Variants in CENPP observed in about 807,000 individuals in gnomAD.
CENPP encodes centromere protein P.
CENPP carries 24 observed loss-of-function variants against 35.6 expected under a neutral mutation model. The observed-to-expected ratio is 0.67, with a 90% CI of 0.49 to 0.95. The LOEUF is 0.95. CENPP is among the 40% of genes least tolerant of loss of function. The pLI, the probability that CENPP is intolerant of heterozygous loss-of-function variation, is 0.00. For synonymous variants in CENPP, 120 were observed against 125.5 expected, an observed-to-expected ratio of 0.96 and a Z score of 0.29; for missense variants, 332 against 345.3, an observed-to-expected ratio of 0.96 and a Z score of 0.31.
intron 5 of CENPP, among the ~76,000 whole-genome samples, chr9:92,545,598 G>A (rs890175010): frequency 2.6e-5 from 4 of 152,212 alleles, no homozygotes; most frequent in African/African-American, 9.6e-5. Context: ...ACCGCGTCCA[G>A]TCCCACTGAC....
intron 5 of CENPP, chr9:92,500,965 C>G: frequency 6.2e-6 from 10 of 1,614,142 alleles, no homozygotes; most frequent in Non-Finnish European, 6.8e-6. Flanking sequence ...ATCTGGTTCC[C>G]AAGGAGTACT....
At chr9:92,564,036 T>G (rs1470198582) in intron 5 of CENPP, among the ~76,000 whole-genome samples, 1 of 152,138 alleles carries the variant, frequency 6.6e-6, no homozygotes, top group African/African-American at 2.4e-5. Context: ...AATCACTGAT[T>G]GTAATGTGGT....
intron 5 of CENPP, among the ~76,000 whole-genome samples, chr9:92,431,208 A>T (rs1844100347): frequency 6.6e-6 from 1 of 152,200 alleles, no homozygotes. Flanking sequence ...TGCTGGCATT[A>T]ATTGAATAGT....
At chr9:92,528,047 C>T (rs1007474198) in intron 5 of CENPP, 1 of 152,162 alleles carries the variant, frequency 6.6e-6, no homozygotes, top group Non-Finnish European at 1.5e-5. Flanking sequence ...ACATCATGGT[C>T]GCTTCCTAGA....
chr9:92,529,640 C>T (rs1302097401), intron 5 of CENPP, among the ~76,000 whole-genome samples: 3 of 152,002 alleles, frequency 2.0e-5, no homozygotes, highest in Admixed American at 6.6e-5. Flanking sequence ...AGAAATGAGC[C>T]ATCAAGCCAT....
chr9:92,502,600 T>C (rs1430440779), intron 5 of CENPP: 7 of 1,607,104 alleles, frequency 4.4e-6, no homozygotes, highest in Middle Eastern at 1.7e-4. Flanking sequence ...TCTGGTATGA[T>C]TGAAACAAAT....
At chr9:92,595,576 T>G (rs71496404) in intron 5 of CENPP, among the ~76,000 whole-genome samples, 18 of 126,590 alleles carry the variant, frequency 1.4e-4, no homozygotes, top group Non-Finnish European at 3.1e-4. Context: ...TTGTTTTTTG[T>G]TTTTTTTTTC....
chr9:92,383,503 A>C (rs1278515402), intron 5 of CENPP, among the ~76,000 whole-genome samples: 1 of 152,164 alleles, frequency 6.6e-6, no homozygotes. Context: ...TCATTTAAAA[A>C]TTTAAAGCCT....
At chr9:92,416,866 C>A (rs1843629799) in intron 5 of CENPP, 5 of 1,613,902 alleles carry the variant, frequency 3.1e-6, no homozygotes, top group Non-Finnish European at 4.2e-6. Flanking sequence ...GTGAAGAAGG[C>A]AAACCAGGAG....
At chr9:92,326,204 C>G (rs1840491685) in intron 1 of CENPP, 99 bp downstream of exon 1, 1 of 782,448 alleles carries the variant, frequency 1.3e-6, no homozygotes, top group Non-Finnish European at 2.0e-6. Flanking sequence ...ACTCCCAGCC[C>G]TAGAAAGTGG....
intron 5 of CENPP, among the ~76,000 whole-genome samples, chr9:92,471,839 T>C (rs1169636691): frequency 6.6e-6 from 1 of 152,054 alleles, no homozygotes; most frequent in Non-Finnish European, 1.5e-5. Context: ...GTTGTATTTT[T>C]ACTAGACACA....
intron 5 of CENPP, among the ~76,000 whole-genome samples, chr9:92,607,889 T>C (rs1851125571): frequency 6.6e-6 from 1 of 152,222 alleles, no homozygotes; most frequent in Non-Finnish European, 1.5e-5. Context: ...CCAACATTCT[T>C]ACAGCCATCT....
At chr9:92,587,183 G>C (rs1396422393) in intron 5 of CENPP, among the ~76,000 whole-genome samples, 1 of 152,010 alleles carries the variant, frequency 6.6e-6, no homozygotes, top group African/African-American at 2.4e-5. Flanking sequence ...TTATAAAAAG[G>C]GGGCCCAGCC....
At chr9:92,588,598 C>G (rs1268606038) in intron 5 of CENPP, among the ~76,000 whole-genome samples, 5 of 152,142 alleles carry the variant, frequency 3.3e-5, no homozygotes, top group Admixed American at 3.3e-4. Flanking sequence ...CATCTCCCTT[C>G]CCATCACCTA....
At chr9:92,363,000 T>C (rs1351176864) in intron 4 of CENPP, among the ~76,000 whole-genome samples, 2 of 152,336 alleles carry the variant, frequency 1.3e-5, no homozygotes, top group East Asian at 3.9e-4. Context: ...TTCCTTATTA[T>C]ATTTTTGAGC....
Position 92,551,964 on chromosome 9 carries a change from GTGTGATATATATGTGTGTGTATATA to G in CENPP, c.565-59333_565-59309del, listed in dbSNP as rs1564000059. Among the ~76,000 whole-genome samples the G allele has an allele frequency of 2.8e-5, 3 of 105,558 alleles. 1 individual carries two copies. Among genetic ancestry groups the G allele is most frequent in the African/African-American group, 1.8e-4 (3 of 16,642 alleles). The allele number at this position is 105,558 out of a possible 152,430, so 69.3% of individuals were successfully genotyped here. A position where few individuals can be genotyped will look rare whatever the true frequency, so the allele number is the denominator to read the frequency against. ...ATATATATATATATGATATATATATGTGTGATATATATGTGTGTGTATATATGTGATATATATGTGTATATATATG... is the reference window on the plus strand; with the variant it reads ...ATATATATATATATGATATATATATGTGTGATATATATGTGTATATATATG... On this transcript the variant is annotated intron_variant, in intron 5 of 7. Transcript: ENST00000375587.
chr9:92,352,540 A>T lies in CENPP; in HGVS notation c.467+6753A>T, dbSNP rs1256401620. On this transcript the variant is annotated intron_variant, in intron 4 of 7. Transcript: ENST00000375587. ...ATATATATATATATATATATATATA[A>T]TATAACGGGGAGTTTATTAAATATT... Among the ~76,000 whole-genome samples, 3 of 53,180 alleles carry T rather than the reference A, an allele frequency of 5.6e-5. 1 individual carries two copies. The highest frequency in any genetic ancestry group is 3.3e-4 in the African/African-American group (2 of 6,022). 34.9% of individuals were successfully genotyped at this position (53,180 alleles called of 152,430 possible).
Position 92,459,862 on chromosome 9 carries a change from C to T in CENPP, c.564+80003C>T, listed in dbSNP as rs1845032421. The T allele has an allele frequency of 2.7e-6, 3 of 1,098,800 alleles. No homozygotes were observed. The South Asian group carries it at 4.9e-5, about 18-fold the overall frequency. The allele number at this position is 1,098,800 out of a possible 1,614,324, so 68.1% of individuals were successfully genotyped here. A position where few individuals can be genotyped will look rare whatever the true frequency, so the allele number is the denominator to read the frequency against. ...CACCGCAAACTAGTTAGAATATAAG[C>T]CTGTCCTATTTATATATATGTTCAA... On this transcript the variant is annotated intron_variant, in intron 5 of 7. Coordinates refer to ENST00000375587, the MANE Select transcript of CENPP (RefSeq NM_001012267.3).
At chr9:92,496,018 T>C in intron 5 of CENPP, 1 of 1,008,170 alleles carries the variant, frequency 9.9e-7, no homozygotes, top group Non-Finnish European at 1.2e-6. Flanking sequence ...AAGGCTGTGT[T>C]TATTTTGTTC....
Sources: gnomAD v4.1 joint callset for allele counts (sites outside exome capture counted in the v4.1 genomes callset) on GRCh38, gnomAD v4.1.1 for gene constraint, MANE v1.5 for transcripts, NCBI Gene and HGNC (gene_info 2026-07-23, HGNC 2026-07-21) for gene names.